The following CHRM2 variants were observed in gnomAD, a reference collection of about 807,000 sequenced individuals.
CHRM2 encodes the protein cholinergic receptor muscarinic 2.
CHRM2 carries 8 observed loss-of-function variants against 25.0 expected under a neutral mutation model. That is an observed-to-expected ratio of 0.32 (90% CI 0.19 to 0.58). The LOEUF is 0.58. CHRM2 is among the 20% of genes least tolerant of loss of function. The probability of loss-of-function intolerance (pLI) is 0.88; values close to 1 mark genes in which losing one functional copy is unlikely to be tolerated. For synonymous variants in CHRM2, 202 were observed against 205.7 expected (o/e 0.98, Z 0.15); for missense variants, 440 against 567.1 (o/e 0.78, Z 2.28).
chr7:136,960,708 T>C (rs1484098777), intron 2 of CHRM2, among the ~76,000 whole-genome samples: 1 of 152,252 alleles, frequency 6.6e-6, no homozygotes, highest in Non-Finnish European at 1.5e-5. Context: ...CACTTTTTTT[T>C]CTATTCTATA....
chr7:137,018,321 C>A lies in CHRM2; in HGVS notation c.*2055C>A, dbSNP rs968889572. 1.3e-5 allele frequency: 2 copies of A among 151,900 alleles called. No individual in the cohort carries two copies. Among genetic ancestry groups the A allele is most frequent in the African/African-American group, 4.8e-5 (2 of 41,424 alleles). 9.4% of individuals were successfully genotyped at this position (151,900 alleles called of 1,614,324 possible). Reference sequence around the variant, plus strand: ...TAAATAACTTCAGTCATTACCCCCCCAAAGTAATCTTCCATATTTAAAGCA... The same window carrying A: ...TAAATAACTTCAGTCATTACCCCCCAAAAGTAATCTTCCATATTTAAAGCA... On this transcript the variant is annotated 3_prime_UTR_variant, in exon 4 of 4. Transcript: ENST00000680005.
chr7:136,913,687 T>C (rs1247302602), intron 2 of CHRM2, among the ~76,000 whole-genome samples: 1 of 151,938 alleles, frequency 6.6e-6, no homozygotes, highest in Non-Finnish European at 1.5e-5. Context: ...CATTTCTGAG[T>C]GCCTACTAAC....
Position 137,014,883 on chromosome 7 carries a change from C to T in CHRM2, c.18C>T (p.Asn6=), listed in dbSNP as rs374779439. Residue 6 remains asparagine, a synonymous_variant, in exon 4 of 4, where the codon AAC becomes AAT. Coordinates refer to ENST00000680005, the MANE Select transcript of CHRM2 (RefSeq NM_001006630.2). ...AACGCAAAATGAATAACTCAACAAA[C>T]TCCTCTAACAATAGCCTGGCTCTTA... MNNST[N]SSNNSLALTS... is the part of the protein sequence containing the mutation. 1.2e-6 allele frequency: 2 copies of T among 1,613,072 alleles called. No individual in the cohort carries two copies. The highest frequency in any genetic ancestry group is 1.7e-6 in the Non-Finnish European group (2 of 1,179,436).
intron 2 of CHRM2, among the ~76,000 whole-genome samples, chr7:136,981,920 T>C (rs1416984472): frequency 6.6e-6 from 1 of 152,154 alleles, no homozygotes; most frequent in African/African-American, 2.4e-5. Context: ...AGAAAGTATA[T>C]TCTGTTGATT....
chr7:136,955,972 T>C (rs1800699973), intron 2 of CHRM2, among the ~76,000 whole-genome samples: 1 of 152,194 alleles, frequency 6.6e-6, no homozygotes, highest in African/African-American at 2.4e-5. Flanking sequence ...CTTGAATAAA[T>C]GGTAGTAATG....
intron 2 of CHRM2, among the ~76,000 whole-genome samples, chr7:136,885,481 A>C (rs1796427133): frequency 6.6e-6 from 1 of 152,210 alleles, no homozygotes; most frequent in Admixed American, 6.5e-5. Flanking sequence ...TGCTTTTTAA[A>C]CTTACATTTC....
intron 3 of CHRM2, among the ~76,000 whole-genome samples, chr7:137,009,252 A>G (rs1228749039): frequency 2.0e-5 from 3 of 152,110 alleles, no homozygotes; most frequent in Admixed American, 1.3e-4. Flanking sequence ...TTTATTTTTT[A>G]ATTATATTAA....
At chr7:136,969,520 C>T (rs1435998989) in intron 2 of CHRM2, among the ~76,000 whole-genome samples, 1 of 152,066 alleles carries the variant, frequency 6.6e-6, no homozygotes, top group African/African-American at 2.4e-5. Context: ...CACATAATTC[C>T]CAAACTTCAC....
intron 2 of CHRM2, among the ~76,000 whole-genome samples, chr7:136,957,874 A>G (rs1385032058): frequency 6.6e-6 from 1 of 152,244 alleles, no homozygotes; most frequent in Non-Finnish European, 1.5e-5. Flanking sequence ...CGTTTTATCA[A>G]TTCAAAAGTT....
At chr7:136,891,833 G>T (rs1165204802) in intron 2 of CHRM2, among the ~76,000 whole-genome samples, 21 of 152,130 alleles carry the variant, frequency 1.4e-4, no homozygotes. Context: ...TGTTCAGTCT[G>T]ATTATCTGCC....
chr7:136,930,364 C>G (rs6947206), intron 2 of CHRM2, among the ~76,000 whole-genome samples: 81,285 of 151,790 alleles, frequency 0.54, 23,766 homozygotes, highest in African/African-American at 0.73. Context: ...TTTCAAAAAG[C>G]ATCTTACATG....
At chr7:136,908,673 T>C (rs1191997238) in intron 2 of CHRM2, among the ~76,000 whole-genome samples, 1 of 151,966 alleles carries the variant, frequency 6.6e-6, no homozygotes, top group African/African-American at 2.4e-5. Context: ...TTACTCCTCA[T>C]TCAAAATGAG....
At chr7:136,893,247 G>A (rs771707822) in intron 2 of CHRM2, among the ~76,000 whole-genome samples, 4 of 152,000 alleles carry the variant, frequency 2.6e-5, no homozygotes, top group South Asian at 2.1e-4. Context: ...TCCCTAATCC[G>A]GTGGTCTTTG....
At chr7:136,882,357 C>T (rs1264729256) in intron 2 of CHRM2, among the ~76,000 whole-genome samples, 1 of 151,772 alleles carries the variant, frequency 6.6e-6, no homozygotes, top group East Asian at 1.9e-4. Context: ...CTTGTATTCC[C>T]TCCTTTCCTC....
At chr7:136,939,307 T>C (rs149434717) in intron 2 of CHRM2, among the ~76,000 whole-genome samples, 1 of 152,372 alleles carries the variant, frequency 6.6e-6, no homozygotes, top group African/African-American at 2.4e-5. Context: ...ACTTGAAATT[T>C]CATTCAGGGC....
chr7:136,891,947 T>TA (rs1796707207), intron 2 of CHRM2, among the ~76,000 whole-genome samples: 1 of 152,248 alleles, frequency 6.6e-6, no homozygotes, highest in Non-Finnish European at 1.5e-5. Context: ...TTTAATGCAG[T>TA]AATTTATCTA....
chr7:136,989,074 T>C (rs1803045410), intron 2 of CHRM2, among the ~76,000 whole-genome samples: 1 of 152,206 alleles, frequency 6.6e-6, no homozygotes, highest in East Asian at 1.9e-4. Context: ...TATAACTTGC[T>C]AAAAGTCACA....
intron 2 of CHRM2, among the ~76,000 whole-genome samples, chr7:136,910,889 G>C (rs559992558): frequency 6.6e-6 from 1 of 151,524 alleles, no homozygotes; most frequent in African/African-American, 2.4e-5. Context: ...TCACTCAGTT[G>C]TCATTCCAAA....
At chr7:137,014,278 T>C (rs1374485991) in intron 3 of CHRM2, among the ~76,000 whole-genome samples, 1 of 151,978 alleles carries the variant, frequency 6.6e-6, no homozygotes. Flanking sequence ...TATTATTATA[T>C]TATCTTTATT....
Sources: gnomAD v4.1 joint callset for allele counts (sites outside exome capture counted in the v4.1 genomes callset) on GRCh38, gnomAD v4.1.1 for gene constraint, MANE v1.5 for transcripts, NCBI Gene and HGNC (gene_info 2026-07-23, HGNC 2026-07-21) for gene names.